SLCO3A1: variants seen among roughly 807,000 people sequenced by gnomAD.
The protein encoded by SLCO3A1 is PGE1 transporter.
In SLCO3A1, 27 loss-of-function variants were observed where a neutral mutation model predicts 63.1. The observed-to-expected ratio is 0.43, with a 90% CI of 0.32 to 0.59. The LOEUF is 0.59. SLCO3A1 is among the 20% of genes least tolerant of loss of function. SLCO3A1 has a pLI of 0.09. For missense variants in SLCO3A1, 773 were observed against 945.8 expected (o/e 0.82, Z 2.40); for synonymous variants, 473 against 409.9 (o/e 1.15, Z -1.86).
chr15:92,076,671 G>A (rs573058006), intron 2 of SLCO3A1, among the ~76,000 whole-genome samples: 58 of 152,208 alleles, frequency 3.8e-4, no homozygotes, highest in African/African-American at 1.2e-3. Context: ...CACCAGCACC[G>A]TACACCAGCC....
chr15:91,971,415 C>CCT (rs890133301), intron 2 of SLCO3A1, among the ~76,000 whole-genome samples: 3 of 62,004 alleles, frequency 4.8e-5, no homozygotes, highest in Admixed American at 1.9e-4. Context: ...AAAAAAGCAA[C>CCT]CTCTTCCTTC....
intron 4 of SLCO3A1, among the ~76,000 whole-genome samples, chr15:92,106,628 T>C (rs1167275446): frequency 6.6e-6 from 1 of 152,120 alleles, no homozygotes; most frequent in African/African-American, 2.4e-5. Context: ...GCACTAGTAA[T>C]CACTTGTCTT....
chr15:91,904,381 T>C (rs536015538), intron 1 of SLCO3A1, among the ~76,000 whole-genome samples: 1 of 152,306 alleles, frequency 6.6e-6, no homozygotes, highest in South Asian at 2.1e-4. Flanking sequence ...GGGAGTAGAA[T>C]TAAACTGGGC....
At chr15:91,911,177 C>T (rs1898473424) in intron 1 of SLCO3A1, among the ~76,000 whole-genome samples, 2 of 152,152 alleles carry the variant, frequency 1.3e-5, no homozygotes, top group Admixed American at 1.3e-4. Context: ...GGTGAGGCTC[C>T]CAGAAATGCA....
intron 2 of SLCO3A1, among the ~76,000 whole-genome samples, chr15:92,011,806 G>A (rs567162110): frequency 1.3e-5 from 2 of 152,384 alleles, no homozygotes; most frequent in South Asian, 4.1e-4. Flanking sequence ...CATTGAATGG[G>A]TGAGTAACGG....
chr15:92,054,222 C>G (rs1453433408), intron 2 of SLCO3A1, among the ~76,000 whole-genome samples: 2 of 152,168 alleles, frequency 1.3e-5, no homozygotes, highest in African/African-American at 2.4e-5. Context: ...CTTTCTGGCT[C>G]TATGAGATGC....
chr15:92,024,435 T>C (rs1482902519), intron 2 of SLCO3A1, among the ~76,000 whole-genome samples: 1 of 152,242 alleles, frequency 6.6e-6, no homozygotes, highest in Non-Finnish European at 1.5e-5. Context: ...CTTGCTTTTA[T>C]AGTGAGTTAG....
intron 1 of SLCO3A1, among the ~76,000 whole-genome samples, chr15:91,887,293 G>C (rs775713212): frequency 9.9e-5 from 15 of 152,108 alleles, no homozygotes; most frequent in Non-Finnish European, 7.4e-5. Flanking sequence ...CCAGAGGGCA[G>C]AATGGCTTGA....
intron 2 of SLCO3A1, among the ~76,000 whole-genome samples, chr15:92,062,929 C>A (rs1057417429): frequency 8.5e-5 from 13 of 152,336 alleles, no homozygotes; most frequent in African/African-American, 2.6e-4. Flanking sequence ...GAAGGTACAG[C>A]TCTGTGGACC....
chr15:91,970,021 C>T (rs962186378), intron 2 of SLCO3A1, among the ~76,000 whole-genome samples: 1 of 152,100 alleles, frequency 6.6e-6, no homozygotes, highest in Non-Finnish European at 1.5e-5. Flanking sequence ...GTTTTTTCCC[C>T]TCAGCGAAAT....
At chr15:92,045,789 C>T (rs2046854551) in intron 2 of SLCO3A1, among the ~76,000 whole-genome samples, 1 of 152,154 alleles carries the variant, frequency 6.6e-6, no homozygotes, top group Admixed American at 6.5e-5. Context: ...CTCAGTATTT[C>T]CCTTTCTCAC....
intron 2 of SLCO3A1, among the ~76,000 whole-genome samples, chr15:91,961,093 G>A (rs984054517): frequency 3.9e-5 from 6 of 152,124 alleles, no homozygotes; most frequent in East Asian, 1.9e-4. Flanking sequence ...ATTCTGCTCC[G>A]AGAGGACCCT....
At chr15:92,015,014 A>G (rs2046409820) in intron 2 of SLCO3A1, among the ~76,000 whole-genome samples, 1 of 152,178 alleles carries the variant, frequency 6.6e-6, no homozygotes, top group Admixed American at 6.5e-5. Flanking sequence ...TCCATGGCTA[A>G]GCTTAAGGCA....
At chr15:92,020,257 A>G (rs1031170755) in intron 2 of SLCO3A1, among the ~76,000 whole-genome samples, 2 of 152,182 alleles carry the variant, frequency 1.3e-5, no homozygotes, top group African/African-American at 4.8e-5. Flanking sequence ...TATGTAAAGT[A>G]TATCTGTACT....
Position 91,926,596 on chromosome 15 carries a change from T to TGTGTGTGTGTGTGCGC in SLCO3A1, c.646+10139_646+10140insTGTGTGTGTGTGCGCG. Among the ~76,000 whole-genome samples the TGTGTGTGTGTGTGCGC allele has an allele frequency of 9.5e-3, 1,005 of 105,246 alleles. 14 individuals carry two copies. Among genetic ancestry groups the TGTGTGTGTGTGTGCGC allele is most frequent in the African/African-American group, 0.022 (606 of 27,364 alleles). The allele number at this position is 105,246 out of a possible 152,430, so 69.0% of individuals were successfully genotyped here. A position where few individuals can be genotyped will look rare whatever the true frequency, so the allele number is the denominator to read the frequency against. ...GTGTGTGTGTGTGTGTGTGTGTGTGTGCGCGCGCGCACGCCCATGCTTATT... is the reference window on the plus strand; with the variant it reads ...GTGTGTGTGTGTGTGTGTGTGTGTGTGTGTGTGTGTGTGCGCGCGCGCGCGCACGCCCATGCTTATT... On this transcript the variant is annotated intron_variant, in intron 2 of 9. Coordinates refer to ENST00000318445, the MANE Select transcript of SLCO3A1 (RefSeq NM_013272.4).
intron 2 of SLCO3A1, among the ~76,000 whole-genome samples, chr15:91,945,496 CA>C (rs1385198993): frequency 6.6e-6 from 1 of 152,106 alleles, no homozygotes; most frequent in African/African-American, 2.4e-5. Flanking sequence ...ACAATAGCGG[CA>C]AGTTGTAATG....
intron 1 of SLCO3A1, among the ~76,000 whole-genome samples, chr15:91,861,541 A>G (rs1218001025): frequency 6.6e-6 from 1 of 152,222 alleles, no homozygotes; most frequent in African/African-American, 2.4e-5. Flanking sequence ...ACTTTCCTGA[A>G]CTTAGACAAT....
intron 4 of SLCO3A1, 37 bp from the exon 5 acceptor site, chr15:92,120,428 C>A (rs773360745): frequency 6.2e-7 from 1 of 1,605,882 alleles, no homozygotes; most frequent in East Asian, 2.2e-5. Context: ...CAGGGTGTGA[C>A]CTTGACCCTG....
chr15:92,061,831 A>G (rs1003309870), intron 2 of SLCO3A1, among the ~76,000 whole-genome samples: 1 of 152,322 alleles, frequency 6.6e-6, no homozygotes, highest in Non-Finnish European at 1.5e-5. Context: ...GTGGATGCAC[A>G]TGTACATCCT....
Sources: gnomAD v4.1 joint callset for allele counts (sites outside exome capture counted in the v4.1 genomes callset) on GRCh38, gnomAD v4.1.1 for gene constraint, MANE v1.5 for transcripts, NCBI Gene and HGNC (gene_info 2026-07-23, HGNC 2026-07-21) for gene names.